The following ZNRF3 variants were observed in gnomAD, a reference collection of about 807,000 sequenced individuals.
The protein encoded by ZNRF3 is zinc and ring finger 3.
In ZNRF3, 23 loss-of-function variants were observed where a neutral mutation model predicts 72.5. The observed-to-expected ratio is 0.32, with a 90% CI of 0.23 to 0.45. The LOEUF is 0.45. ZNRF3 is among the 20% of genes least tolerant of loss of function. The probability of loss-of-function intolerance (pLI) is 1.00; values close to 1 mark genes in which losing one functional copy is unlikely to be tolerated. For synonymous variants in ZNRF3, 610 were observed against 545.3 expected, an observed-to-expected ratio of 1.12 and a Z score of -1.65; for missense variants, 1,169 against 1,272.1, an observed-to-expected ratio of 0.92 and a Z score of 1.23.
intron 2 of ZNRF3, among the ~76,000 whole-genome samples, chr22:29,001,142 C>T (rs2036137153): frequency 7.5e-6 from 1 of 133,812 alleles, no homozygotes; most frequent in African/African-American, 2.8e-5. Context: ...GATTTCAGCT[C>T]ACTGCAAGCT....
intron 1 of ZNRF3, among the ~76,000 whole-genome samples, chr22:28,895,985 C>T (rs1367961253): frequency 6.6e-6 from 1 of 152,158 alleles, no homozygotes; most frequent in East Asian, 1.9e-4. Context: ...GAGTCTTGCT[C>T]TGTCGGCCAG....
chr22:28,990,413 G>A (rs984565403), intron 2 of ZNRF3, among the ~76,000 whole-genome samples: 3 of 152,174 alleles, frequency 2.0e-5, no homozygotes, highest in South Asian at 2.1e-4. Context: ...GGCCAGGCAC[G>A]GTGGCTCACA....
intron 1 of ZNRF3, among the ~76,000 whole-genome samples, chr22:28,937,241 C>A (rs1269705006): frequency 1.4e-3 from 137 of 98,880 alleles, no homozygotes; most frequent in African/African-American, 4.3e-3. Context: ...TTTTTTTTAA[C>A]AAAAGGAAAG....
intron 1 of ZNRF3, among the ~76,000 whole-genome samples, chr22:28,927,347 A>G (rs779585389): frequency 3.3e-5 from 5 of 152,176 alleles, no homozygotes; most frequent in Non-Finnish European, 5.9e-5. Context: ...CAAGGTCAGG[A>G]GATTGAGACC....
rs574773558 is a variant in ZNRF3 at position 28,957,735 on chromosome 22, G to A, written c.301-29341G>A. Among the ~76,000 whole-genome samples the A allele has an allele frequency of 1.2e-4, 18 of 151,366 alleles. No homozygotes were observed. The South Asian group carries it at 3.8e-3, about 32-fold the overall frequency. The stretch of plus-strand genomic sequence containing the variant: ...ATTACAGGTGTGAGCCACCACGCCC[G>A]GCCAATGACTGTTCTTTTTGAGACC... On this transcript the variant is annotated intron_variant, in intron 1 of 8. Coordinates refer to ENST00000544604, the MANE Select transcript of ZNRF3 (RefSeq NM_001206998.2).
chr22:29,019,768 ACTGT>A (rs1160792722), intron 2 of ZNRF3, among the ~76,000 whole-genome samples: 7 of 152,164 alleles, frequency 4.6e-5, no homozygotes, highest in Non-Finnish European at 1.5e-5. Flanking sequence ...AAGTACAATC[ACTGT>A]CTTAGTTCTA....
At chr22:29,016,826 A>G (rs935638714) in intron 2 of ZNRF3, among the ~76,000 whole-genome samples, 10 of 152,320 alleles carry the variant, frequency 6.6e-5, no homozygotes, top group African/African-American at 2.4e-4. Flanking sequence ...CACCTGTAGC[A>G]TGCTAGGGGT....
Position 28,978,148 on chromosome 22 carries a change from G to A in ZNRF3, c.301-8928G>A, listed in dbSNP as rs180909978. Among the ~76,000 whole-genome samples the A allele has an allele frequency of 2.2e-3, 338 of 152,262 alleles. 1 individual carries two copies. Among genetic ancestry groups the A allele is most frequent in the Non-Finnish European group, 3.7e-3 (254 of 68,018 alleles). ...TGATACCTGGTACCAGAGATGGCCA[G>A]GTATATGCATTGCTTGTTGGTAGCA... On this transcript the variant is annotated intron_variant, in intron 1 of 8. Coordinates refer to ENST00000544604, the MANE Select transcript of ZNRF3 (RefSeq NM_001206998.2).
intron 1 of ZNRF3, among the ~76,000 whole-genome samples, chr22:28,923,950 T>C (rs146216940): frequency 6.6e-6 from 1 of 152,290 alleles, no homozygotes; most frequent in Non-Finnish European, 1.5e-5. Flanking sequence ...CGGGCAATCA[T>C]GATGATCTCG....
intron 1 of ZNRF3, among the ~76,000 whole-genome samples, chr22:28,917,133 A>G (rs1224143147): frequency 6.6e-6 from 1 of 152,182 alleles, no homozygotes; most frequent in East Asian, 1.9e-4. Flanking sequence ...AGCGTCGGCC[A>G]GGTGGCAGGA....
rs1234306035 is a variant in ZNRF3, at chr22:29,030,546, GC to G, written c.427-11947del. On this transcript the variant is annotated intron_variant, in intron 2 of 8. Transcript: ENST00000544604. This position sits in a 1 kb window ranked among gnomAD's most constrained non-coding sequence, Gnocchi z 4.2. ...TTCGTTCCGGAACTCAGAACCTGCA[GC>G]CGACGGGAGCCTTTGGAGGCTTAAT... 6.6e-6 allele frequency among the ~76,000 whole-genome samples: 1 copy of G among 152,192 alleles called. No homozygotes were observed. The highest frequency in any genetic ancestry group is 1.5e-5 in the Non-Finnish European group (1 of 68,038).
intron 1 of ZNRF3, among the ~76,000 whole-genome samples, chr22:28,900,817 A>G (rs2034087860): frequency 6.6e-6 from 1 of 152,170 alleles, no homozygotes; most frequent in Non-Finnish European, 1.5e-5. Context: ...AATCTATTTA[A>G]CATTTTTCAG....
rs1315404114 is a variant in ZNRF3 at position 29,015,862 on chromosome 22, T to G, written c.427-26633T>G. 3.4e-5 allele frequency among the ~76,000 whole-genome samples: 5 copies of G among 148,658 alleles called. No homozygotes were observed. In the East Asian group the frequency reaches 1.0e-3, roughly 30 times the overall value. ...GTGAAACCCCGTCTCTACTAAAATA[T>G]AAAATTAGCTGGGCGTGGTGGCACA... On this transcript the variant is annotated intron_variant, in intron 2 of 8. Transcript: ENST00000544604.
chr22:28,951,111 G>T (rs2035153077), intron 1 of ZNRF3, among the ~76,000 whole-genome samples: 1 of 152,122 alleles, frequency 6.6e-6, no homozygotes, highest in South Asian at 2.1e-4. Flanking sequence ...TTTGGCTTCT[G>T]TAGTTATTTA....
At chr22:29,046,403 G>T (rs2037070807) in intron 5 of ZNRF3, among the ~76,000 whole-genome samples, 1 of 152,208 alleles carries the variant, frequency 6.6e-6, no homozygotes, top group Non-Finnish European at 1.5e-5. Flanking sequence ...GCGTAGAACA[G>T]GTTGATAACT....
chr22:28,892,133 G>A (rs928467105), intron 1 of ZNRF3, among the ~76,000 whole-genome samples: 1 of 152,212 alleles, frequency 6.6e-6, no homozygotes, highest in African/African-American at 2.4e-5. Context: ...CAGGCTCATT[G>A]AATCCTCTTG....
chr22:28,885,828 T>A (rs2033775662), intron 1 of ZNRF3, among the ~76,000 whole-genome samples: 1 of 152,114 alleles, frequency 6.6e-6, no homozygotes, highest in South Asian at 2.1e-4. Flanking sequence ...ATTTTATCCT[T>A]GTGAGTAGAG....
intron 2 of ZNRF3, 139 bp downstream of exon 2, chr22:28,987,340 G>A (rs892885081): frequency 3.8e-6 from 5 of 1,327,450 alleles, no homozygotes; most frequent in Non-Finnish European, 5.1e-6. Flanking sequence ...TGCATGAGGT[G>A]GGGACTGAGA....
At chr22:29,038,589 C>T (rs560274980) in intron 2 of ZNRF3, among the ~76,000 whole-genome samples, 3 of 152,066 alleles carry the variant, frequency 2.0e-5, no homozygotes, top group Non-Finnish European at 2.9e-5. Context: ...CCTCAACCTC[C>T]GAAAGTGCTG....
Sources: gnomAD v4.1 joint callset for allele counts (sites outside exome capture counted in the v4.1 genomes callset) on GRCh38, gnomAD v4.1.1 for gene constraint, Gnocchi (gnomAD v3.1) non-coding constraint, MANE v1.5 for transcripts, NCBI Gene and HGNC (gene_info 2026-07-23, HGNC 2026-07-21) for gene names.